Variants in CHN1 observed in about 807,000 individuals in gnomAD.
CHN1 encodes chimerin 1.
In CHN1, 37 loss-of-function variants were observed where a neutral mutation model predicts 59.5. The ratio of observed to expected loss-of-function variants is 0.62; its 90% confidence interval spans 0.48 to 0.82. The LOEUF is 0.82. CHN1 is among the 40% of genes least tolerant of loss of function. The pLI is 0.00. For synonymous variants in CHN1, 206 were observed against 200.4 expected, an observed-to-expected ratio of 1.03 and a Z score of -0.24; for missense variants, 469 against 571.0, an observed-to-expected ratio of 0.82 and a Z score of 1.82.
At position 174,799,319 on chromosome 2, in the gene CHN1, G is replaced by T. The variant is rs1257971354; in HGVS notation, c.*797C>A. The T allele has an allele frequency of 5.3e-6, 2 of 375,798 alleles. No individual in the cohort carries two copies. Among genetic ancestry groups the T allele is most frequent in the Admixed American group, 7.9e-5 (2 of 25,184 alleles). 23.3% of individuals were successfully genotyped at this position (375,798 alleles called of 1,614,324 possible). Reference sequence around the variant, plus strand: ...TAACAGTAAACAAAAGAGGTCAGAAGAAGTACTCAGTATTTAATAAATGGC... The same window carrying T: ...TAACAGTAAACAAAAGAGGTCAGAATAAGTACTCAGTATTTAATAAATGGC... On this transcript the variant is annotated 3_prime_UTR_variant, in exon 13 of 13. Coordinates refer to ENST00000409900, the MANE Select transcript of CHN1 (RefSeq NM_001822.7).
intron 3 of CHN1, among the ~76,000 whole-genome samples, chr2:174,943,326 A>G (rs1668535009): frequency 6.6e-6 from 1 of 152,016 alleles, no homozygotes; most frequent in Non-Finnish European, 1.5e-5. Flanking sequence ...TCCCGGGTTC[A>G]AGCGATTCTC....
chr2:174,822,658 T>C (rs965238077), intron 8 of CHN1, among the ~76,000 whole-genome samples: 3 of 152,238 alleles, frequency 2.0e-5, no homozygotes, highest in South Asian at 4.1e-4. Flanking sequence ...AGCAGGCAAT[T>C]TGTGCTTTGG....
rs72305534 is a variant in CHN1 at position 174,984,663 on chromosome 2, GGCTGTGTTTTATTA to G, written c.19+20217_19+20230del. On this transcript the variant is annotated intron_variant, in intron 1 of 12. Transcript: ENST00000409900. ...ATTACAGGCGTGAGCCACTGTGCCT[GGCTGTGTTTTATTA>G]GCTTCTAAAAAGAGATCTTGTGCAA... Among the ~76,000 whole-genome samples the G allele has an allele frequency of 3.6e-3, 546 of 152,226 alleles. 5 individuals are homozygous for G. Among genetic ancestry groups the G allele is most frequent in the African/African-American group, 0.012 (505 of 41,550 alleles).
At position 174,940,728 on chromosome 2, in the gene CHN1, A is replaced by C. The variant is rs143590605; in HGVS notation, c.114+4160T>G. ...GACACATGACAGTTTGTCCCATTAC[A>C]GGTAATGCTAAGTTTGACCACCAGA... On this transcript the variant is annotated intron_variant, in intron 3 of 12. Transcript: ENST00000409900. Among the ~76,000 whole-genome samples, 9 of 151,750 alleles carry C rather than the reference A, an allele frequency of 5.9e-5. No individual in the cohort carries two copies. The East Asian group carries it at 1.6e-3, about 26-fold the overall frequency.
At chr2:174,900,636 T>C (rs942307602) in intron 5 of CHN1, among the ~76,000 whole-genome samples, 1 of 151,990 alleles carries the variant, frequency 6.6e-6, no homozygotes, top group African/African-American at 2.4e-5. Flanking sequence ...TGAAACTGCG[T>C]CTCTACTAAA....
intron 7 of CHN1, among the ~76,000 whole-genome samples, chr2:174,826,827 G>A (rs1340725553): frequency 2.0e-5 from 3 of 152,144 alleles, no homozygotes; most frequent in Non-Finnish European, 2.9e-5. Context: ...CAATTAAAGG[G>A]TTACACATGT....
In CHN1 at chr2:174,799,436, A is replaced by G. The variant is rs1238937530; in HGVS notation, c.*680T>C. 3 of 463,070 alleles carry G rather than the reference A, an allele frequency of 6.5e-6. No individual in the cohort carries two copies. The highest frequency in any genetic ancestry group is 6.0e-5 in the African/African-American group (3 of 49,968). The allele number at this position is 463,070 out of a possible 1,614,324, so 28.7% of individuals were successfully genotyped here. A position where few individuals can be genotyped will look rare whatever the true frequency, so the allele number is the denominator to read the frequency against. ...GCCAATTTAATAAATTAATAAACGC[A>G]TGCCAGAAAAAATACCAAATTACAA... On this transcript the variant is annotated 3_prime_UTR_variant, in exon 13 of 13. Transcript: ENST00000409900.
intron 5 of CHN1, among the ~76,000 whole-genome samples, chr2:174,911,839 T>C (rs1688711972): frequency 6.6e-6 from 1 of 152,152 alleles, no homozygotes; most frequent in African/African-American, 2.4e-5. Flanking sequence ...ACTTAAACCT[T>C]ACAACCTTGC....
chr2:174,832,586 GTTATTTAAT>G (rs1432390570), intron 7 of CHN1, among the ~76,000 whole-genome samples: 2 of 151,998 alleles, frequency 1.3e-5, no homozygotes, highest in African/African-American at 4.8e-5. Context: ...TTAGCAGTAT[GTTATTTAAT>G]TTATAAGTAT....
intron 7 of CHN1, among the ~76,000 whole-genome samples, chr2:174,845,886 G>A (rs988676836): frequency 6.6e-6 from 1 of 151,930 alleles, no homozygotes; most frequent in African/African-American, 2.4e-5. Flanking sequence ...TCAGAGCCTG[G>A]TGCATTATAG....
rs539001023 is a variant in CHN1, at chr2:174,962,663, CGGGGGGGG to C, written c.20-10469_20-10462del. 3.9e-4 allele frequency among the ~76,000 whole-genome samples: 7 copies of C among 18,062 alleles called. 1 individual carries two copies. The highest frequency in any genetic ancestry group is 7.5e-4 in the Non-Finnish European group (4 of 5,338). 11.8% of individuals were successfully genotyped at this position (18,062 alleles called of 152,430 possible). ...TGCAATCCCAGCACTTTGGAAGGCC[CGGGGGGGG>C]GGGGGGGGGGGGCAGATCACCTGAG... On this transcript the variant is annotated intron_variant, in intron 1 of 12. Transcript: ENST00000409900.
intron 5 of CHN1, among the ~76,000 whole-genome samples, chr2:174,884,400 C>A (rs1225812481): frequency 1.3e-5 from 2 of 152,118 alleles, no homozygotes; most frequent in African/African-American, 4.8e-5. Context: ...CAGACCTACA[C>A]CAAGAACTGG....
chr2:174,883,669 GAATC>G (rs1291342781), intron 5 of CHN1, among the ~76,000 whole-genome samples: 1 of 151,916 alleles, frequency 6.6e-6, no homozygotes, highest in Non-Finnish European at 1.5e-5. Flanking sequence ...TAAACAAACA[GAATC>G]AAAGCAAGTT....
intron 3 of CHN1, among the ~76,000 whole-genome samples, chr2:174,928,345 TAC>T (rs1258019518): frequency 1.3e-5 from 2 of 152,212 alleles, no homozygotes; most frequent in Non-Finnish European, 2.9e-5. Flanking sequence ...CATATTAAGA[TAC>T]AGTTACATTT....
At chr2:174,844,452 C>T (rs1686432049) in intron 7 of CHN1, among the ~76,000 whole-genome samples, 1 of 152,078 alleles carries the variant, frequency 6.6e-6, no homozygotes, top group South Asian at 2.1e-4. Context: ...CAAGGCAGTT[C>T]AAGAAGCAAA....
intron 6 of CHN1, chr2:174,847,763 T>C (rs1188016324): frequency 2.4e-6 from 1 of 420,378 alleles, no homozygotes; most frequent in Non-Finnish European, 4.2e-6. Flanking sequence ...AGTTTCTTGC[T>C]GGCTCAAGGC....
chr2:174,834,561 C>T (rs1281141011), intron 7 of CHN1, among the ~76,000 whole-genome samples: 1 of 152,024 alleles, frequency 6.6e-6, no homozygotes, highest in Admixed American at 6.6e-5. Context: ...ATTTCTTTTC[C>T]TTCAGTCCTT....
chr2:174,801,690 C>T lies in CHN1; in HGVS notation c.1208+17G>A. ...TTGGATGCAATACAAGTGTAAGACT[C>T]AAAGTCTATAGCTTGCCTCTTTAGA... On this transcript the variant is annotated intron_variant, in intron 12 of 12. Coordinates refer to ENST00000409900, the MANE Select transcript of CHN1 (RefSeq NM_001822.7). 1 of 1,594,092 alleles carries T rather than the reference C, an allele frequency of 6.3e-7. No homozygotes were observed. The highest frequency in any genetic ancestry group is 8.6e-7 in the Non-Finnish European group (1 of 1,163,842).
intron 2 of CHN1, among the ~76,000 whole-genome samples, chr2:174,947,837 A>G (rs1190746654): frequency 6.6e-6 from 1 of 152,134 alleles, no homozygotes; most frequent in Non-Finnish European, 1.5e-5. Flanking sequence ...AAAAACACCT[A>G]TCAAAAAGAT....
Sources: gnomAD v4.1 joint callset for allele counts (sites outside exome capture counted in the v4.1 genomes callset) on GRCh38, gnomAD v4.1.1 for gene constraint, MANE v1.5 for transcripts, NCBI Gene and HGNC (gene_info 2026-07-23, HGNC 2026-07-21) for gene names.